The following DIAPH1 variants were observed in gnomAD, a reference collection of about 807,000 sequenced individuals.
DIAPH1 encodes the protein diaphanous related formin 1.
A neutral mutation model predicts 140.7 loss-of-function variants in DIAPH1; 46 were observed. That is an observed-to-expected ratio of 0.33 (90% CI 0.26 to 0.42). The LOEUF (loss-of-function observed/expected upper bound fraction) is 0.42, where lower values mean the gene tolerates loss of function less well. DIAPH1 is among the 10% of genes least tolerant of loss of function. The probability of loss-of-function intolerance (pLI) is 1.00; values close to 1 mark genes in which losing one functional copy is unlikely to be tolerated. For missense variants in DIAPH1, 1,310 were observed against 1,558.7 expected (o/e 0.84, Z 2.69); for synonymous variants, 565 against 551.6 (o/e 1.02, Z -0.34).
intron 20 of DIAPH1, 94 bp downstream of exon 20, chr5:141,529,509 T>C (rs1257541058): frequency 9.0e-7 from 1 of 1,111,368 alleles, no homozygotes; most frequent in African/African-American, 1.5e-5. Flanking sequence ...AAGTCAGCAA[T>C]GCTGGAGGAG....
At chr5:141,582,283 G>A in intron 7 of DIAPH1, 29 bp downstream of exon 7, 1 of 1,584,338 alleles carries the variant, frequency 6.3e-7, no homozygotes, top group Middle Eastern at 1.7e-4. Context: ...TCCAGATGGG[G>A]TTTGGAATGA....
At chr5:141,554,613 A>T (rs2099892274) in intron 18 of DIAPH1, among the ~76,000 whole-genome samples, 1 of 152,230 alleles carries the variant, frequency 6.6e-6, no homozygotes, top group South Asian at 2.1e-4. Context: ...TATCAAAAAA[A>T]TCATAGGTAC....
chr5:141,599,464 C>A (rs537862567), intron 1 of DIAPH1, among the ~76,000 whole-genome samples: 139 of 152,308 alleles, frequency 9.1e-4, no homozygotes, highest in African/African-American at 3.3e-3. Context: ...TCCTTACACT[C>A]TGACGATTCT....
Position 141,516,986 on chromosome 5 carries a change from T to C in DIAPH1, c.3684A>G (p.Ala1228=), listed in dbSNP as rs1562275084. 1.2e-6 allele frequency: 2 copies of C among 1,614,206 alleles called. No individual in the cohort carries two copies. The highest frequency in any genetic ancestry group is 1.7e-4 in the Middle Eastern group (1 of 6,054). Residue 1228 remains alanine, a synonymous_variant, in exon 28 of 28, where the codon GCA becomes GCG. Transcript: ENST00000389054. The stretch of plus-strand genomic sequence containing the variant: ...GCTCCGAAGCTAGCAGAGATGTGAC[T>C]GCACACCCGGCCTTCCTGTTGGCTG... ...PRQANRKAGC[A]VTSLLASELT... is the part of the protein sequence containing the mutation.
At chr5:141,540,251 G>C (rs572066930) in intron 18 of DIAPH1, among the ~76,000 whole-genome samples, 66 of 151,652 alleles carry the variant, frequency 4.4e-4, no homozygotes, top group African/African-American at 1.6e-3. Flanking sequence ...TTCTCGAGTA[G>C]CTGGGATTAC....
intron 18 of DIAPH1, among the ~76,000 whole-genome samples, chr5:141,537,007 T>C (rs1045023846): frequency 1.3e-5 from 2 of 151,592 alleles, no homozygotes; most frequent in Non-Finnish European, 2.9e-5. Flanking sequence ...CTGTCTCCAT[T>C]TAAAAAAAAA....
intron 1 of DIAPH1, among the ~76,000 whole-genome samples, chr5:141,607,084 C>T (rs2099901094): frequency 6.6e-6 from 1 of 151,874 alleles, no homozygotes; most frequent in African/African-American, 2.4e-5. Flanking sequence ...TAAATACTAC[C>T]ACTACTCTTA....
chr5:141,600,144 GA>G (rs1199349551), intron 1 of DIAPH1, among the ~76,000 whole-genome samples: 1 of 152,234 alleles, frequency 6.6e-6, no homozygotes, highest in Non-Finnish European at 1.5e-5. Context: ...TTTCTGGCAT[GA>G]AGGTGGAGGG....
chr5:141,522,506 T>C (rs778449686), intron 27 of DIAPH1, among the ~76,000 whole-genome samples: 4 of 144,968 alleles, frequency 2.8e-5, no homozygotes, highest in Non-Finnish European at 5.9e-5. Flanking sequence ...GATTCTAGTA[T>C]AGTTCCACAG....
At chr5:141,574,525 T>C (rs926074907) in intron 15 of DIAPH1, among the ~76,000 whole-genome samples, 14 of 152,206 alleles carry the variant, frequency 9.2e-5, no homozygotes, top group Non-Finnish European at 1.3e-4. Flanking sequence ...AACTAATATA[T>C]GTGCTACACA....
rs149716949 is a variant in DIAPH1, at chr5:141,597,489, G to A, written c.118-9239C>T. Among the ~76,000 whole-genome samples, 1,161 of 152,212 alleles carry A rather than the reference G, an allele frequency of 7.6e-3. 19 individuals are homozygous for A. The highest frequency in any genetic ancestry group is 0.027 in the African/African-American group (1,102 of 41,506). On this transcript the variant is annotated intron_variant, in intron 1 of 27. Transcript: ENST00000389054. ...TTTAAAAAATCTGTTCCCATATACC[G>A]CAGGAAGCTACTGTAGGACATGCTC...
intron 3 of DIAPH1, among the ~76,000 whole-genome samples, chr5:141,584,932 G>A (rs538023475): frequency 6.6e-6 from 1 of 151,856 alleles, no homozygotes; most frequent in African/African-American, 2.4e-5. Flanking sequence ...AAATTAATCT[G>A]AAGTTTCTGT....
chr5:141,592,496 C>T (rs913185616), intron 1 of DIAPH1, among the ~76,000 whole-genome samples: 5 of 151,078 alleles, frequency 3.3e-5, no homozygotes, highest in Non-Finnish European at 7.4e-5. Context: ...TTAACAACAA[C>T]AACAACAACA....
chr5:141,606,721 G>GT (rs547082568), intron 1 of DIAPH1, among the ~76,000 whole-genome samples: 32 of 151,936 alleles, frequency 2.1e-4, no homozygotes, highest in East Asian at 3.9e-4. Context: ...TAACATAAGA[G>GT]TTTTTTTTAA....
At chr5:141,529,346 G>A in intron 20 of DIAPH1, 73 bp from the exon 21 acceptor site, 1 of 1,199,672 alleles carries the variant, frequency 8.3e-7, no homozygotes, top group African/African-American at 1.5e-5. Flanking sequence ...CTTTTACTCT[G>A]TTGTCAGTCC....
chr5:141,526,520 C>T, intron 24 of DIAPH1, 59 bp from the exon 25 acceptor site: 21 of 1,603,738 alleles, frequency 1.3e-5, no homozygotes, highest in Non-Finnish European at 1.8e-5. Flanking sequence ...ACTTCTCTAG[C>T]CCAAGGAATT....
chr5:141,535,643 AT>A lies in DIAPH1; in HGVS notation c.2483-1211del, dbSNP rs1343001888. Reference sequence around the variant, plus strand: ...CCTTAATGGCTCTCATGATAGTAACATTCTCTAAAAAATGGTTGATGCTGGC... The same window carrying A: ...CCTTAATGGCTCTCATGATAGTAACATCTCTAAAAAATGGTTGATGCTGGC... On this transcript the variant is annotated intron_variant, in intron 18 of 27. Transcript: ENST00000389054. Among the ~76,000 whole-genome samples, 9 of 152,354 alleles carry A rather than the reference AT, an allele frequency of 5.9e-5. No homozygotes were observed. The East Asian group carries it at 1.5e-3, about 26-fold the overall frequency.
In DIAPH1 at chr5:141,529,682, G is replaced by T; in HGVS notation, c.2597C>A (p.Ser866Tyr). The T allele has an allele frequency of 6.2e-7, 1 of 1,614,022 alleles. No individual in the cohort carries two copies. The highest frequency in any genetic ancestry group is 1.7e-4 in the Middle Eastern group (1 of 6,060). ...TAQNLSIFLGSFRMPYQEIKN... is the reference protein window; with the variant it reads ...TAQNLSIFLGYFRMPYQEIKN... ...AATCTCTTGATAGGGCATGCGGAAG[G>T]AACCCAAAAAGATTGCTGCCAGAAA... Residue 866 changes from serine to tyrosine, a missense_variant, in exon 20 of 28, where the codon TCC (serine) becomes TAC (tyrosine). Physicochemically the swap from Ser to Tyr is moderately radical, Grantham distance 144. This residue lies in a region of DIAPH1 where 344 missense variants were observed against 512.2 expected (regional missense o/e 0.67). Transcript: ENST00000389054.
chr5:141,575,006 T>C lies in DIAPH1; in HGVS notation c.1602A>G (p.Lys534=). ...HSEKQQIATE[K]QDLEAEVSQL... The stretch of plus-strand genomic sequence containing the variant: ...GGGACACCTCTGCTTCCAGGTCCTG[T>C]TTCTCTGTGGCAATTTGCTGCTTTT... The change falls in exon 15 of 28, where the codon AAA becomes AAG. Residue 534 remains lysine, a synonymous_variant. Transcript: ENST00000389054. 1 of 1,614,180 alleles carries C rather than the reference T, an allele frequency of 6.2e-7. No individual in the cohort carries two copies. The highest frequency in any genetic ancestry group is 8.5e-7 in the Non-Finnish European group (1 of 1,180,036).
Sources: gnomAD v4.1 joint callset for allele counts (sites outside exome capture counted in the v4.1 genomes callset) on GRCh38, gnomAD v4.1.1 for gene constraint, gnomAD v4.1.1 regional missense constraint, MANE v1.5 for transcripts, NCBI Gene and HGNC (gene_info 2026-07-23, HGNC 2026-07-21) for gene names.